Variants in G3BP1 observed in about 807,000 individuals in gnomAD.
The protein encoded by G3BP1 is G3BP stress granule assembly factor 1.
A neutral mutation model predicts 58.6 loss-of-function variants in G3BP1; 35 were observed. The ratio of observed to expected loss-of-function variants is 0.60; its 90% CI spans 0.46 to 0.79. The LOEUF is 0.79. G3BP1 is among the 30% of genes least tolerant of loss of function. The pLI is 0.00. For missense variants in G3BP1, 523 were observed against 580.8 expected, an observed-to-expected ratio of 0.90 and a Z score of 1.02; for synonymous variants, 191 against 195.4, an observed-to-expected ratio of 0.98 and a Z score of 0.19.
Position 151,777,856 on chromosome 5 carries a change from A to G in G3BP1, c.-50+5820A>G, listed in dbSNP as rs183232761. On this transcript the variant is annotated intron_variant, in intron 1 of 11. Coordinates refer to ENST00000356245, the MANE Select transcript of G3BP1 (RefSeq NM_005754.3). ...CCTTCCACCCTTCTCCCTGCAGGAA[A>G]TCCTTGATCTTTTTATCACTGTAGA... Among the ~76,000 whole-genome samples the G allele has an allele frequency of 2.6e-4, 40 of 151,762 alleles. 1 individual carries two copies. The East Asian group carries it at 4.6e-3, about 18-fold the overall frequency.
At chr5:151,802,296 T>C (rs1474729734) in intron 11 of G3BP1, among the ~76,000 whole-genome samples, 2 of 152,232 alleles carry the variant, frequency 1.3e-5, no homozygotes, top group Non-Finnish European at 2.9e-5. Context: ...AAATGTCCAG[T>C]AGGCTTTGTA....
rs898714906 is a variant in G3BP1 at position 151,805,360 on chromosome 5, C to T, written c.*1269C>T. On this transcript the variant is annotated 3_prime_UTR_variant, in exon 12 of 12. Transcript: ENST00000356245. ...ATTTCTGGAAGAAAATTTAATCTGG[C>T]AATATAGACTAATACTCGTTTCACA... 2 of 152,444 alleles carry T rather than the reference C, an allele frequency of 1.3e-5. No individual in the cohort carries two copies. The highest frequency in any genetic ancestry group is 2.9e-5 in the Non-Finnish European group (2 of 68,012). The allele number at this position is 152,444 out of a possible 1,614,324, so 9.4% of individuals were successfully genotyped here. A position where few individuals can be genotyped will look rare whatever the true frequency, so the allele number is the denominator to read the frequency against.
chr5:151,786,015 C>T (rs1392057921), intron 1 of G3BP1, among the ~76,000 whole-genome samples: 1 of 152,164 alleles, frequency 6.6e-6, no homozygotes, highest in Non-Finnish European at 1.5e-5. Flanking sequence ...AGAAAATTAC[C>T]AGGTGCTGTG....
At chr5:151,791,177 TA>T in intron 4 of G3BP1, 115 bp downstream of exon 4, 1 of 878,390 alleles carries the variant, frequency 1.1e-6, no homozygotes, top group South Asian at 1.4e-5. Context: ...AAACTTGGAA[TA>T]ATAGTACACT....
intron 1 of G3BP1, chr5:151,772,295 AG>A (rs1271845251): frequency 6.6e-6 from 1 of 151,392 alleles, no homozygotes. Context: ...CTCGCGGGGC[AG>A]GAGTAAGCCG....
chr5:151,789,597 G>T (rs1762611802), intron 2 of G3BP1, among the ~76,000 whole-genome samples: 1 of 152,218 alleles, frequency 6.6e-6, no homozygotes, highest in Non-Finnish European at 1.5e-5. Flanking sequence ...CATGAACTAG[G>T]TGTTTAAGGG....
intron 6 of G3BP1, among the ~76,000 whole-genome samples, chr5:151,796,414 G>T (rs1017582487): frequency 6.6e-6 from 1 of 152,112 alleles, no homozygotes; most frequent in African/African-American, 2.4e-5. Flanking sequence ...GACTACAGGC[G>T]CACGCCACCA....
At chr5:151,787,930 T>TGAGAGA (rs144682085) in intron 2 of G3BP1, 2 of 164,398 alleles carry the variant, frequency 1.2e-5, no homozygotes, top group African/African-American at 4.9e-5. Context: ...TGTGTGTGTG[T>TGAGAGA]GAGAGAGAGA....
chr5:151,780,542 G>C (rs549221025), intron 1 of G3BP1, among the ~76,000 whole-genome samples: 1 of 152,222 alleles, frequency 6.6e-6, no homozygotes, highest in South Asian at 2.1e-4. Context: ...ATGGAGTCTT[G>C]CTCATTCGCC....
intron 2 of G3BP1, among the ~76,000 whole-genome samples, chr5:151,787,544 T>A (rs1390580427): frequency 2.6e-5 from 4 of 152,214 alleles, no homozygotes; most frequent in Admixed American, 1.3e-4. Context: ...AGGGTAATAC[T>A]TGTATCCCAT....
intron 1 of G3BP1, among the ~76,000 whole-genome samples, chr5:151,780,849 C>T (rs773371432): frequency 2.0e-5 from 3 of 152,118 alleles, no homozygotes; most frequent in Non-Finnish European, 2.9e-5. Flanking sequence ...TAACATTTTT[C>T]TGTTAACTTC....
rs1367109621 is a variant in G3BP1, at chr5:151,811,706, G to A, written c.*7615G>A. The A allele has an allele frequency of 1.3e-5, 2 of 152,024 alleles. No homozygotes were observed. Among genetic ancestry groups the A allele is most frequent in the African/African-American group, 4.8e-5 (2 of 41,400 alleles). 9.4% of individuals were successfully genotyped at this position (152,024 alleles called of 1,614,324 possible). On this transcript the variant is annotated 3_prime_UTR_variant, in exon 12 of 12. Coordinates refer to ENST00000356245, the MANE Select transcript of G3BP1 (RefSeq NM_005754.3). ...CAAAAAAAGGGGGGAAGAGTAAGGG[G>A]CAAAAGGGAATTAGTTGTTCAAGGT...
rs750364744 is a variant in G3BP1, at chr5:151,790,385, A to G, written c.158A>G (p.Asp53Gly). The change falls in exon 3 of 12, where the codon GAT becomes GGT. Residue 53 changes from aspartate (D) to glycine (G), a missense_variant. Coordinates refer to ENST00000356245, the MANE Select transcript of G3BP1 (RefSeq NM_005754.3). ...GGLDSNGKPA[D>G]AVYGQKEIHR... is the part of the protein sequence containing the mutation. ...TTGGATTCAAATGGAAAGCCAGCAG[A>G]TGCAGTCTACGGACAGAAAGTAAGC... The G allele has an allele frequency of 6.3e-7, 1 of 1,583,178 alleles. No homozygotes were observed. The highest frequency in any genetic ancestry group is 8.6e-7 in the Non-Finnish European group (1 of 1,163,332).
intron 1 of G3BP1, among the ~76,000 whole-genome samples, chr5:151,780,417 T>C (rs1762446914): frequency 6.6e-6 from 1 of 152,152 alleles, no homozygotes; most frequent in Non-Finnish European, 1.5e-5. Context: ...TTTGTTGGAG[T>C]GAGCTTTGCC....
At chr5:151,803,579 G>A (rs899157897) in intron 11 of G3BP1, among the ~76,000 whole-genome samples, 5 of 151,670 alleles carry the variant, frequency 3.3e-5, no homozygotes, top group African/African-American at 1.2e-4. Context: ...TGCAACCTCC[G>A]CCTCCTGGGT....
At chr5:151,803,602 C>T (rs1301660452) in intron 11 of G3BP1, among the ~76,000 whole-genome samples, 5 of 152,226 alleles carry the variant, frequency 3.3e-5, no homozygotes, top group South Asian at 2.1e-4. Context: ...AAGCAATTCT[C>T]CTGCCTCAGC....
At chr5:151,782,656 A>G (rs1762486856) in intron 1 of G3BP1, among the ~76,000 whole-genome samples, 1 of 152,166 alleles carries the variant, frequency 6.6e-6, no homozygotes, top group South Asian at 2.1e-4. Context: ...GTGTTTATAA[A>G]TGAGGGAGAA....
intron 1 of G3BP1, among the ~76,000 whole-genome samples, chr5:151,780,257 A>G (rs977468138): frequency 1.3e-5 from 2 of 152,024 alleles, no homozygotes. Context: ...GCTCCATTTC[A>G]TTTGCCTGTT....
At chr5:151,796,095 C>T (rs1374136605) in intron 6 of G3BP1, among the ~76,000 whole-genome samples, 1 of 152,072 alleles carries the variant, frequency 6.6e-6, no homozygotes, top group African/African-American at 2.4e-5. Context: ...TTACTTGTTA[C>T]CATGTGATAC....
Sources: gnomAD v4.1 joint callset for allele counts (sites outside exome capture counted in the v4.1 genomes callset) on GRCh38, gnomAD v4.1.1 for gene constraint, MANE v1.5 for transcripts, NCBI Gene and HGNC (gene_info 2026-07-23, HGNC 2026-07-21) for gene names.